Variants in SLC22A17 observed in about 807,000 individuals in gnomAD.
SLC22A17 encodes 24p3 receptor.
SLC22A17 carries 38 observed loss-of-function variants against 53.6 expected under a neutral mutation model. The ratio of observed to expected loss-of-function variants is 0.71; its 90% CI spans 0.55 to 0.93. The LOEUF is 0.93. SLC22A17 is among the 40% of genes least tolerant of loss of function. The pLI, the probability that SLC22A17 is intolerant of heterozygous loss-of-function variation, is 0.00. For missense variants in SLC22A17, 704 were observed against 791.0 expected, an observed-to-expected ratio of 0.89 and a Z score of 1.32; for synonymous variants, 379 against 353.0, an observed-to-expected ratio of 1.07 and a Z score of -0.82.
In SLC22A17 at chr14:23,347,569, A is replaced by G; in HGVS notation, c.1440T>C (p.Leu480=). 1 of 1,613,974 alleles carries G rather than the reference A, an allele frequency of 6.2e-7. No individual in the cohort carries two copies. The highest frequency in any genetic ancestry group is 1.3e-5 in the African/African-American group (1 of 75,000). ...CAATGCCGGTAAGGGTCATGGAGAGAAGAAGGATGCCCCGGCGGCCAAATC... is the reference window on the plus strand; with the variant it reads ...CAATGCCGGTAAGGGTCATGGAGAGGAGAAGGATGCCCCGGCGGCCAAATC... Residue 480 remains leucine (L), a synonymous_variant, in exon 8 of 10, where the codon CTT becomes CTC. Coordinates refer to ENST00000397267, the Ensembl canonical transcript of SLC22A17. This position sits in a 1 kb window ranked among gnomAD's most constrained non-coding sequence, Gnocchi z 5.1.
At position 23,348,258 on chromosome 14, in the gene SLC22A17, C is replaced by A. The variant is rs200925018; in HGVS notation, c.1074G>T (p.Arg358=). The change falls in exon 6 of 10, where the codon CGG becomes CGT. Residue 358 remains arginine (R), a synonymous_variant. Coordinates refer to ENST00000397267, the Ensembl canonical transcript of SLC22A17. This position sits in a 1 kb window ranked among gnomAD's most constrained non-coding sequence, Gnocchi z 4.5. ...GCACAGACTGAGCCTCCTCAATCTG[C>A]CGCTTCACTATCAGCCACCGTGCGG... 6.8e-6 allele frequency: 11 copies of A among 1,614,138 alleles called. No individual in the cohort carries two copies. Among genetic ancestry groups the A allele is most frequent in the Non-Finnish European group, 9.3e-6 (11 of 1,180,018 alleles).
Position 23,352,053 on chromosome 14 carries a change from A to G in SLC22A17, c.495T>C (p.Ser165=). 1 of 1,606,218 alleles carries G rather than the reference A, an allele frequency of 6.2e-7. No homozygotes were observed. The highest frequency in any genetic ancestry group is 1.3e-5 in the African/African-American group (1 of 75,002). Reference sequence around the variant, plus strand: ...CGAAGCCGCTGCACGAGGGGTCGGTACTGGTGGCGACACGGCTGGCGGCGC... The same window carrying G: ...CGAAGCCGCTGCACGAGGGGTCGGTGCTGGTGGCGACACGGCTGGCGGCGC... The change falls in exon 2 of 10, where the codon AGT becomes AGC. Residue 165 remains serine, a synonymous_variant. Coordinates refer to ENST00000397267, the Ensembl canonical transcript of SLC22A17. This position sits in a 1 kb window ranked among gnomAD's most constrained non-coding sequence, Gnocchi z 7.2.
rs748246622 is a variant in SLC22A17 at position 23,348,622 on chromosome 14, C to T, written c.909G>A (p.Gly303=). 3.7e-6 allele frequency: 6 copies of T among 1,613,952 alleles called. No homozygotes were observed. The highest frequency in any genetic ancestry group is 5.1e-6 in the Non-Finnish European group (6 of 1,179,926). The change falls in exon 5 of 10, where the codon GGG becomes GGA. Residue 303 remains glycine, a synonymous_variant. Transcript: ENST00000397267. The surrounding 1 kb of genome is among the most constrained non-coding windows in gnomAD (Gnocchi z 4.5). ...AGTGCCCTCCCACCCCCACCAACTC[C>T]CCTGCCAGGGCCACCCGAAGCCTCT... is the stretch of plus-strand genomic sequence containing the variant.
At position 23,348,932 on chromosome 14, in the gene SLC22A17, C is replaced by T; in HGVS notation, c.860-261G>A. On this transcript the variant is annotated intron_variant, in intron 4 of 9. Coordinates refer to ENST00000397267, the Ensembl canonical transcript of SLC22A17. The surrounding 1 kb of genome is among the most constrained non-coding windows in gnomAD (Gnocchi z 4.5). The stretch of plus-strand genomic sequence containing the variant: ...TGTTCAACATTTCCAATTTATAGGC[C>T]CTTTCCCATCAGGCCTCTTATTTGA... The T allele has an allele frequency of 1.7e-6, 1 of 594,238 alleles. No individual in the cohort carries two copies. Among genetic ancestry groups the T allele is most frequent in the Non-Finnish European group, 3.0e-6 (1 of 335,738 alleles). The allele number at this position is 594,238 out of a possible 1,614,324, so 36.8% of individuals were successfully genotyped here.
Position 23,347,300 on chromosome 14 carries a change from C to T in SLC22A17, c.1550-88G>A, listed in dbSNP as rs2138511219. On this transcript the variant is annotated intron_variant, in intron 8 of 9. Coordinates refer to ENST00000397267, the Ensembl canonical transcript of SLC22A17. This position sits in a 1 kb window ranked among gnomAD's most constrained non-coding sequence, Gnocchi z 5.1. ...GTGTCATCCCCTTGGCTCTCTGTTC[C>T]CATGGCTCTAGCTGGGCAGGCTCTG... is the stretch of plus-strand genomic sequence containing the variant. 10 of 1,479,782 alleles carry T rather than the reference C, an allele frequency of 6.8e-6. No homozygotes were observed. Among genetic ancestry groups the T allele is most frequent in the Middle Eastern group, 3.5e-4 (2 of 5,718 alleles). The allele number at this position is 1,479,782 out of a possible 1,614,324, so 91.7% of individuals were successfully genotyped here. A position where few individuals can be genotyped will look rare whatever the true frequency, so the allele number is the denominator to read the frequency against.
At position 23,347,965 on chromosome 14, in the gene SLC22A17, T is replaced by C. The variant is rs775278382; in HGVS notation, c.1203A>G (p.Thr401=). ...GGAGGGAAGCAAAGGAAAAGGAGGA[T>C]GTTGCAGGGAGAGGGCAGGTATTCT... is the stretch of plus-strand genomic sequence containing the variant. Residue 401 remains threonine, a synonymous_variant, in exon 7 of 10, where the codon ACA becomes ACG. Transcript: ENST00000397267. This position sits in a 1 kb window ranked among gnomAD's most constrained non-coding sequence, Gnocchi z 5.1. The C allele has an allele frequency of 3.7e-6, 6 of 1,613,904 alleles. No homozygotes were observed. In the Admixed American group the frequency reaches 1.0e-4, roughly 27 times the overall value.
At position 23,348,965 on chromosome 14, in the gene SLC22A17, A is replaced by T. The variant is rs1290577738; in HGVS notation, c.860-294T>A. 4 of 590,848 alleles carry T rather than the reference A, an allele frequency of 6.8e-6. No individual in the cohort carries two copies. The highest frequency in any genetic ancestry group is 1.2e-5 in the Non-Finnish European group (4 of 332,804). The allele number at this position is 590,848 out of a possible 1,614,324, so 36.6% of individuals were successfully genotyped here. On this transcript the variant is annotated intron_variant, in intron 4 of 9. Transcript: ENST00000397267. This position sits in a 1 kb window ranked among gnomAD's most constrained non-coding sequence, Gnocchi z 4.5. The stretch of plus-strand genomic sequence containing the variant: ...ATCAGGCCTCTTATTTGACCTTCAC[A>T]TCAACCCTTGTCCAAGGTCACACAG...
Position 23,348,456 on chromosome 14 carries a change from T to C in SLC22A17, c.1025+50A>G. 1 of 1,597,776 alleles carries C rather than the reference T, an allele frequency of 6.3e-7. No individual in the cohort carries two copies. The highest frequency in any genetic ancestry group is 8.5e-7 in the Non-Finnish European group (1 of 1,170,118). The stretch of plus-strand genomic sequence containing the variant: ...AGGGGTCTCCGGGCTAGGGCTAGTT[T>C]GGAGGCAGAGATGGGAATTGCCAGA... On this transcript the variant is annotated intron_variant, in intron 5 of 9. Coordinates refer to ENST00000397267, the Ensembl canonical transcript of SLC22A17. The surrounding 1 kb of genome is among the most constrained non-coding windows in gnomAD (Gnocchi z 4.5).
At chr14:23,350,064 G>A (rs566718858) in intron 3 of SLC22A17, among the ~76,000 whole-genome samples, 3 of 152,300 alleles carry the variant, frequency 2.0e-5, no homozygotes, top group African/African-American at 7.2e-5. Context: ...CCAGCACTTT[G>A]GGAGGCCGAG....
At position 23,348,592 on chromosome 14, in the gene SLC22A17, C is replaced by T. The variant is rs1485777852; in HGVS notation, c.939G>A (p.Leu313=). The change falls in exon 5 of 10, where the codon CTG becomes CTA. Residue 313 remains leucine, a synonymous_variant. Transcript: ENST00000397267. This position sits in a 1 kb window ranked among gnomAD's most constrained non-coding sequence, Gnocchi z 4.5. The stretch of plus-strand genomic sequence containing the variant: ...TAGAGACAAGGGCCAGGCCCAGGAA[C>T]AGGAAGTGCCCTCCCACCCCCACCA... 1.4e-5 allele frequency: 23 copies of T among 1,614,096 alleles called. No individual in the cohort carries two copies. The highest frequency in any genetic ancestry group is 1.9e-5 in the Non-Finnish European group (22 of 1,179,990).
At position 23,347,779 on chromosome 14, in the gene SLC22A17, C is replaced by A. The variant is rs370433874; in HGVS notation, c.1278-48G>T. 3.1e-6 allele frequency: 5 copies of A among 1,609,386 alleles called. No homozygotes were observed. The Admixed American group carries it at 6.7e-5, about 21-fold the overall frequency. On this transcript the variant is annotated intron_variant, in intron 7 of 9. Transcript: ENST00000397267. This position sits in a 1 kb window ranked among gnomAD's most constrained non-coding sequence, Gnocchi z 5.1. ...AACGAACAGAGCCTGAATCCCCTCC[C>A]GCAGCCTTCTACAGTGCTGATGGTC... is the stretch of plus-strand genomic sequence containing the variant.
chr14:23,347,413 C>G lies in SLC22A17; in HGVS notation c.1549+47G>C, dbSNP rs1889287179. 7 of 1,593,230 alleles carry G rather than the reference C, an allele frequency of 4.4e-6. No individual in the cohort carries two copies. Among genetic ancestry groups the G allele is most frequent in the Non-Finnish European group, 6.0e-6 (7 of 1,169,328 alleles). On this transcript the variant is annotated intron_variant, in intron 8 of 9. Coordinates refer to ENST00000397267, the Ensembl canonical transcript of SLC22A17. The surrounding 1 kb of genome is among the most constrained non-coding windows in gnomAD (Gnocchi z 5.1). ...GAGCTGGGCAGGGTCTGGGGCTTGT[C>G]TTGGGAGGCCTGTGCCAGAAGAAAT... is the stretch of plus-strand genomic sequence containing the variant.
Position 23,347,550 on chromosome 14 carries a change from C to T in SLC22A17, c.1459G>A (p.Gly487Ser), listed in dbSNP as rs753691522. 57 of 1,613,926 alleles carry T rather than the reference C, an allele frequency of 3.5e-5. No homozygotes were observed. The East Asian group carries it at 9.1e-4, about 26-fold the overall frequency. Residue 487 changes from glycine (G) to serine (S), a missense_variant, in exon 8 of 10, where the codon GGC becomes AGC. By Grantham distance (56) the Gly-to-Ser change is moderately conservative. Coordinates refer to ENST00000397267, the Ensembl canonical transcript of SLC22A17. The surrounding 1 kb of genome is among the most constrained non-coding windows in gnomAD (Gnocchi z 5.1). The stretch of plus-strand genomic sequence containing the variant: ...CCCAGCAGGACCAGGGAAGCAATGC[C>T]GGTAAGGGTCATGGAGAGAAGAAGG...
intron 9 of SLC22A17, 60 bp from the exon 10 acceptor site, chr14:23,346,996 C>T (rs539259094): frequency 1.7e-4 from 252 of 1,495,356 alleles, no homozygotes; most frequent in Non-Finnish European, 2.1e-4. Flanking sequence ...GCCCTTCTCC[C>T]GCAGCCCCCC....
At chr14:23,349,064 C>T in intron 4 of SLC22A17, 1 of 666,140 alleles carries the variant, frequency 1.5e-6, no homozygotes, top group Middle Eastern at 2.5e-4. Context: ...GCAGTAAGTC[C>T]AGGACAAAGA....
Position 23,352,624 on chromosome 14 carries a change from C to T in SLC22A17, c.96+22G>A. On this transcript the variant is annotated intron_variant, in intron 1 of 9. Coordinates refer to ENST00000397267, the Ensembl canonical transcript of SLC22A17. This position sits in a 1 kb window ranked among gnomAD's most constrained non-coding sequence, Gnocchi z 7.2. Reference sequence around the variant, plus strand: ...GGGTGCTGGGAGAGGATGGCGTCGCCACCTGGGGCTCGGGCACTTACTCCG... The same window carrying T: ...GGGTGCTGGGAGAGGATGGCGTCGCTACCTGGGGCTCGGGCACTTACTCCG... The T allele has an allele frequency of 4.9e-6, 2 of 411,388 alleles. No homozygotes were observed. 25.5% of individuals were successfully genotyped at this position (411,388 alleles called of 1,614,324 possible).
chr14:23,349,325 C>T (rs753162266), exon 4 of SLC22A17: 13 of 1,613,950 alleles, frequency 8.1e-6, no homozygotes, highest in Admixed American at 6.7e-5. Context: ...CAAGAGGAAT[C>T]GGAGGGCCAT....
chr14:23,351,658 A>G, intron 3 of SLC22A17, 94 bp downstream of exon 3: 2 of 989,838 alleles, frequency 2.0e-6, no homozygotes, highest in South Asian at 2.9e-5. Context: ...AGTCCAGCGA[A>G]TCGTCTTCGA....
chr14:23,349,587 T>C, intron 3 of SLC22A17, 161 bp from the exon 4 acceptor site: 2 of 808,360 alleles, frequency 2.5e-6, no homozygotes, highest in Non-Finnish European at 3.8e-6. Context: ...ATGGGGACCA[T>C]GGGTGGGTGA....
Sources: gnomAD v4.1 joint callset for allele counts (sites outside exome capture counted in the v4.1 genomes callset) on GRCh38, gnomAD v4.1.1 for gene constraint, Gnocchi (gnomAD v3.1) non-coding constraint, MANE v1.5 for transcripts, NCBI Gene and HGNC (gene_info 2026-07-23, HGNC 2026-07-21) for gene names.